NLGN1: variants seen among roughly 807,000 people sequenced by gnomAD.
NLGN1 encodes the protein neuroligin 1.
In NLGN1, 12 loss-of-function variants were observed where a neutral mutation model predicts 65.5. The ratio of observed to expected loss-of-function variants is 0.18; its 90% CI spans 0.12 to 0.30. NLGN1 has a LOEUF of 0.30. NLGN1 is among the 10% of genes least tolerant of loss of function. NLGN1 has a pLI of 1.00. For synonymous variants in NLGN1, 350 were observed against 359.5 expected (o/e 0.97, Z 0.30); for missense variants, 750 against 1,007.1 (o/e 0.74, Z 3.46).
intron 4 of NLGN1, among the ~76,000 whole-genome samples, chr3:174,154,988 TA>T (rs869225851): frequency 0.069 from 7,509 of 108,432 alleles, 463 homozygotes; most frequent in East Asian, 0.14. Flanking sequence ...TATTATATTA[TA>T]TATTATATAT....
intron 3 of NLGN1, among the ~76,000 whole-genome samples, chr3:173,753,226 T>A (rs888830120): frequency 6.6e-6 from 1 of 152,144 alleles, no homozygotes; most frequent in Admixed American, 6.6e-5. Flanking sequence ...TAAATTTAGA[T>A]CTCTGCTGCA....
At chr3:173,768,943 T>C (rs1303728745) in intron 3 of NLGN1, among the ~76,000 whole-genome samples, 1 of 151,836 alleles carries the variant, frequency 6.6e-6, no homozygotes, top group Non-Finnish European at 1.5e-5. Flanking sequence ...CACCCAGCAA[T>C]TGTTTTTATA....
Position 173,942,142 on chromosome 3 carries a change from ATG to A in NLGN1, c.646+134324_646+134325del, listed in dbSNP as rs1275579907. Reference sequence around the variant, plus strand: ...TGTGTGTGTGTGTGTGTGTGTGTGTATGTGTGTGTGTGTGTATGTGTATATAT... The same window carrying A: ...TGTGTGTGTGTGTGTGTGTGTGTGTATGTGTGTGTGTGTATGTGTATATAT... On this transcript the variant is annotated intron_variant, in intron 4 of 6. Transcript: ENST00000457714. 3.4e-3 allele frequency among the ~76,000 whole-genome samples: 415 copies of A among 122,986 alleles called. 3 individuals are homozygous for A. Among genetic ancestry groups the A allele is most frequent in the African/African-American group, 0.012 (378 of 31,960 alleles). The allele number at this position is 122,986 out of a possible 152,430, so 80.7% of individuals were successfully genotyped here. A position where few individuals can be genotyped will look rare whatever the true frequency, so the allele number is the denominator to read the frequency against.
rs559809810 is a variant in NLGN1 at position 173,801,426 on chromosome 3, A to T, written c.494-6254A>T. On this transcript the variant is annotated intron_variant, in intron 3 of 6. Coordinates refer to ENST00000457714, the Ensembl canonical transcript of NLGN1. ...TCATAACGAAAATAATAATGTGGTT[A>T]GAAAAGTTTTCCAAAATAAAATAAT... 7.2e-5 allele frequency among the ~76,000 whole-genome samples: 11 copies of T among 152,166 alleles called. No individual in the cohort carries two copies. In the East Asian group the frequency reaches 2.1e-3, roughly 29 times the overall value.
chr3:173,804,587 TAA>T (rs1203722235), intron 3 of NLGN1, among the ~76,000 whole-genome samples: 1 of 148,730 alleles, frequency 6.7e-6, no homozygotes, highest in African/African-American at 2.5e-5. Flanking sequence ...GTTTTATTTA[TAA>T]AGAGTCTGGT....
chr3:173,655,626 A>G lies in NLGN1; in HGVS notation c.493+50535A>G, dbSNP rs562858653. 3.1e-3 allele frequency among the ~76,000 whole-genome samples: 477 copies of G among 152,166 alleles called. 1 individual carries two copies. The highest frequency in any genetic ancestry group is 5.0e-3 in the Non-Finnish European group (342 of 67,996). ...GTTCTCTGTTCTTTCTTCACGTTGA[A>G]ATTATTTCTGGATGAATTTGTTTAT... is the stretch of plus-strand genomic sequence containing the variant. On this transcript the variant is annotated intron_variant, in intron 3 of 6. Transcript: ENST00000457714.
chr3:174,294,010 TTTGGAAAAAGCATATTTTAAG>T, the NLGN1 span, among the ~76,000 whole-genome samples: 1 of 151,642 alleles, frequency 6.6e-6, no homozygotes, highest in African/African-American at 2.4e-5. Flanking sequence ...AAATAGAAAG[TTTGGAAAAAGCATATTTTAAG>T]GTTTTTATCT....
rs144458818 is a variant in NLGN1, at chr3:173,955,879, A to G, written c.646+148047A>G. Among the ~76,000 whole-genome samples, 1,258 of 152,218 alleles carry G rather than the reference A, an allele frequency of 8.3e-3. 22 individuals carry two copies. The highest frequency in any genetic ancestry group is 0.029 in the African/African-American group (1,200 of 41,550). On this transcript the variant is annotated intron_variant, in intron 4 of 6. Transcript: ENST00000457714. ...AATGGGTCATTTTAAATAGATCACT[A>G]TTGCAAATATAAGTATTTTTGGTAC...
intron 3 of NLGN1, among the ~76,000 whole-genome samples, chr3:173,790,351 T>C (rs2150361829): frequency 6.6e-6 from 1 of 152,284 alleles, no homozygotes; most frequent in African/African-American, 2.4e-5. Flanking sequence ...TCCCATTTAT[T>C]AGATAGAGGA....
At chr3:174,121,816 C>T (rs547517170) in intron 4 of NLGN1, among the ~76,000 whole-genome samples, 5 of 152,226 alleles carry the variant, frequency 3.3e-5, no homozygotes, top group African/African-American at 7.2e-5. Context: ...GGGACAAAAT[C>T]GTAAACTAGA....
At chr3:173,934,039 G>T (rs1048352378) in intron 4 of NLGN1, among the ~76,000 whole-genome samples, 3 of 151,576 alleles carry the variant, frequency 2.0e-5, no homozygotes, top group African/African-American at 7.3e-5. Flanking sequence ...ATTAGGAGAG[G>T]TGCAAAAGAC....
chr3:173,886,965 A>G (rs1044232047), intron 4 of NLGN1, among the ~76,000 whole-genome samples: 4 of 152,088 alleles, frequency 2.6e-5, no homozygotes, highest in African/African-American at 9.7e-5. Flanking sequence ...AGATTTCATA[A>G]TTTATCAGAG....
chr3:174,254,089 G>T (rs1000216347), intron 4 of NLGN1, among the ~76,000 whole-genome samples: 1 of 152,136 alleles, frequency 6.6e-6, no homozygotes, highest in Admixed American at 6.5e-5. Flanking sequence ...TCCCCTTGGC[G>T]TTGGTAAACA....
intron 4 of NLGN1, among the ~76,000 whole-genome samples, chr3:173,934,078 A>G (rs1021534125): frequency 6.6e-6 from 1 of 151,784 alleles, no homozygotes. Context: ...ACTGTATAAT[A>G]TCATTAGAGA....
At chr3:173,686,876 C>G (rs141880396) in intron 3 of NLGN1, among the ~76,000 whole-genome samples, 216 of 152,166 alleles carry the variant, frequency 1.4e-3, no homozygotes, top group African/African-American at 4.6e-3. Flanking sequence ...TTGCTTGAAC[C>G]CGGCAGGTGG....
intron 3 of NLGN1, among the ~76,000 whole-genome samples, chr3:173,801,096 A>T (rs1460978897): frequency 6.6e-6 from 1 of 152,006 alleles, no homozygotes; most frequent in Non-Finnish European, 1.5e-5. Flanking sequence ...GTCAAATAAA[A>T]TATTCTGATT....
chr3:173,960,518 AATT>A (rs1432108365), intron 4 of NLGN1, among the ~76,000 whole-genome samples: 1 of 151,984 alleles, frequency 6.6e-6, no homozygotes, highest in Non-Finnish European at 1.5e-5. Context: ...TCAATTGTTA[AATT>A]ATTGGATTCA....
At chr3:173,647,471 AT>A (rs1758456888) in intron 3 of NLGN1, among the ~76,000 whole-genome samples, 1 of 152,150 alleles carries the variant, frequency 6.6e-6, no homozygotes. Flanking sequence ...GTACATTTAA[AT>A]GGATCCAAGT....
intron 4 of NLGN1, among the ~76,000 whole-genome samples, chr3:174,056,780 T>C (rs1736211655): frequency 6.6e-6 from 1 of 152,066 alleles, no homozygotes; most frequent in Non-Finnish European, 1.5e-5. Context: ...TTTTAATAAA[T>C]TGAGAAGCCT....
Sources: gnomAD v4.1 joint callset for allele counts (sites outside exome capture counted in the v4.1 genomes callset) on GRCh38, gnomAD v4.1.1 for gene constraint, MANE v1.5 for transcripts, NCBI Gene and HGNC (gene_info 2026-07-23, HGNC 2026-07-21) for gene names.